CACNA2D1: variants seen among roughly 807,000 people sequenced by gnomAD.
CACNA2D1 encodes calcium voltage-gated channel auxiliary subunit alpha2delta 1.
A neutral mutation model predicts 171.5 loss-of-function variants in CACNA2D1; 53 were observed. The observed-to-expected ratio is 0.31, with a 90% CI of 0.25 to 0.39. The LOEUF is 0.39. Ranked by LOEUF, CACNA2D1 falls within the 10% of genes least tolerant of loss-of-function variation. CACNA2D1 has a pLI of 1.00. For synonymous variants in CACNA2D1, 442 were observed against 443.1 expected (o/e 1.00, Z 0.03); for missense variants, 903 against 1,299.8 (o/e 0.69, Z 4.69).
At chr7:82,174,145 A>T (rs1796324303) in intron 3 of CACNA2D1, among the ~76,000 whole-genome samples, 1 of 141,376 alleles carries the variant, frequency 7.1e-6, no homozygotes, top group African/African-American at 2.7e-5. Context: ...ATATAAGTAT[A>T]TCCTGTAACA....
chr7:82,198,005 T>C (rs1170530423), intron 3 of CACNA2D1, among the ~76,000 whole-genome samples: 2 of 152,094 alleles, frequency 1.3e-5, no homozygotes, highest in Non-Finnish European at 2.9e-5. Flanking sequence ...GGATCTTTCC[T>C]GAATTCCAGG....
intron 7 of CACNA2D1, among the ~76,000 whole-genome samples, chr7:82,068,688 GC>G (rs1274332854): frequency 6.8e-6 from 1 of 147,622 alleles, no homozygotes; most frequent in Non-Finnish European, 1.5e-5. Context: ...AGTTACCACT[GC>G]CAATATGACA....
At chr7:82,118,310 G>A (rs1443821614) in intron 5 of CACNA2D1, among the ~76,000 whole-genome samples, 3 of 152,064 alleles carry the variant, frequency 2.0e-5, no homozygotes, top group Non-Finnish European at 4.4e-5. Context: ...TGATATTTGT[G>A]TTAAACTTTT....
intron 12 of CACNA2D1, among the ~76,000 whole-genome samples, chr7:82,025,365 C>T (rs372470528): frequency 6.6e-6 from 1 of 151,482 alleles, no homozygotes; most frequent in East Asian, 1.9e-4. Context: ...GTTAAGTTCG[C>T]CTCCTTTGTT....
intron 21 of CACNA2D1, among the ~76,000 whole-genome samples, chr7:81,985,452 C>T (rs563599143): frequency 1.3e-5 from 2 of 152,210 alleles, no homozygotes; most frequent in Admixed American, 1.3e-4. Flanking sequence ...GCTGGTGTTA[C>T]AGGCATGAGC....
At chr7:82,407,323 C>G (rs1827165524) in intron 1 of CACNA2D1, among the ~76,000 whole-genome samples, 1 of 152,172 alleles carries the variant, frequency 6.6e-6, no homozygotes, top group Non-Finnish European at 1.5e-5. Flanking sequence ...CTTCTCATAT[C>G]ACTAAATAAG....
rs1413144878 is a variant in CACNA2D1 at position 82,332,565 on chromosome 7, A to AGAACGAAC, written c.294+2562_294+2569dup. ...AAGAAAGAAAGAAAGAAAGAAAGAAAGAACGAACAGAAAATTTTTGAGGGT... is the reference window on the plus strand; with the variant it reads ...AAGAAAGAAAGAAAGAAAGAAAGAAAGAACGAACGAACGAACAGAAAATTTTTGAGGGT... On this transcript the variant is annotated intron_variant, in intron 3 of 38. Transcript: ENST00000356860. 7.0e-3 allele frequency among the ~76,000 whole-genome samples: 769 copies of AGAACGAAC among 109,256 alleles called. 14 individuals are homozygous for AGAACGAAC. The highest frequency in any genetic ancestry group is 0.028 in the Middle Eastern group (5 of 178). The allele number at this position is 109,256 out of a possible 152,430, so 71.7% of individuals were successfully genotyped here.
chr7:81,971,828 G>A lies in CACNA2D1; in HGVS notation c.2090C>T (p.Ala697Val), dbSNP rs2130456001. 1.2e-6 allele frequency: 2 copies of A among 1,608,050 alleles called. No individual in the cohort carries two copies. Among genetic ancestry groups the A allele is most frequent in the East Asian group, 2.2e-5 (1 of 44,664 alleles). ...TTGGACAAGTTCATTTGTAAAGCCTGCATCAAGCAAGACTCTATTAATCAA... is the reference window on the plus strand; with the variant it reads ...TTGGACAAGTTCATTTGTAAAGCCTACATCAAGCAAGACTCTATTAATCAA... ...ADLINRVLLD[A>V]GFTNELVQNY... Residue 697 changes from alanine (A) to valine (V), a missense_variant, in exon 26 of 39, where the codon GCA becomes GTA. This residue lies in a region of CACNA2D1 where 623 missense variants were observed against 925.5 expected (regional missense o/e 0.67). Transcript: ENST00000356860.
intron 3 of CACNA2D1, among the ~76,000 whole-genome samples, chr7:82,225,478 GCAGA>G (rs1802261344): frequency 6.6e-6 from 1 of 152,110 alleles, no homozygotes. Context: ...AAAATTTTGT[GCAGA>G]CATTTAATAT....
intron 3 of CACNA2D1, among the ~76,000 whole-genome samples, chr7:82,185,531 AGGG>A (rs1797634907): frequency 5.6e-5 from 1 of 17,954 alleles, no homozygotes; most frequent in Non-Finnish European, 9.6e-5. Context: ...GAGGAGGAGG[AGGG>A]GGAGGAAGGG....
intron 4 of CACNA2D1, among the ~76,000 whole-genome samples, chr7:82,151,786 T>C (rs1487039661): frequency 1.3e-5 from 2 of 152,100 alleles, no homozygotes; most frequent in South Asian, 2.1e-4. Flanking sequence ...TTAACTTCTT[T>C]CTAGCACGTA....
intron 1 of CACNA2D1, among the ~76,000 whole-genome samples, chr7:82,386,908 T>C: frequency 6.6e-6 from 1 of 152,040 alleles, no homozygotes; most frequent in Middle Eastern, 3.4e-3. Context: ...AAATATACTA[T>C]AATAATTTAG....
intron 1 of CACNA2D1, among the ~76,000 whole-genome samples, chr7:82,395,809 T>C (rs1825696792): frequency 6.6e-6 from 1 of 152,252 alleles, no homozygotes; most frequent in South Asian, 2.1e-4. Context: ...TTTTCTAGCA[T>C]AAAGAACACA....
chr7:82,257,077 G>C (rs1407017612), intron 3 of CACNA2D1, among the ~76,000 whole-genome samples: 3 of 152,104 alleles, frequency 2.0e-5, no homozygotes, highest in Non-Finnish European at 4.4e-5. Context: ...GTACTATCCA[G>C]GTTTTGCTAC....
At chr7:82,039,240 C>T (rs1803662793) in intron 10 of CACNA2D1, among the ~76,000 whole-genome samples, 1 of 147,008 alleles carries the variant, frequency 6.8e-6, no homozygotes, top group Admixed American at 6.9e-5. Context: ...ATTACATATT[C>T]TTGCAAATAT....
At chr7:82,030,745 A>G (rs1802588403) in intron 12 of CACNA2D1, among the ~76,000 whole-genome samples, 2 of 151,920 alleles carry the variant, frequency 1.3e-5, no homozygotes, top group Admixed American at 6.6e-5. Flanking sequence ...ATCACAAAAT[A>G]GTATACTTAA....
chr7:82,053,635 T>C (rs75231591), intron 10 of CACNA2D1, among the ~76,000 whole-genome samples: 2,754 of 152,204 alleles, frequency 0.018, 90 homozygotes, highest in African/African-American at 0.061. Flanking sequence ...AAACCAGTAA[T>C]ACGTATCTCC....
chr7:82,398,637 G>A (rs1229654579), intron 1 of CACNA2D1, among the ~76,000 whole-genome samples: 1 of 151,092 alleles, frequency 6.6e-6, no homozygotes, highest in Non-Finnish European at 1.5e-5. Context: ...AAGTGCAATG[G>A]CATAATCATA....
At chr7:82,037,957 G>T in intron 11 of CACNA2D1, 120 bp downstream of exon 11, 1 of 994,212 alleles carries the variant, frequency 1.0e-6, no homozygotes, top group Non-Finnish European at 1.6e-6. Flanking sequence ...ACACATCTGT[G>T]TTTTAAATAA....
Sources: allele counts gnomAD v4.1 joint callset (sites outside exome capture counted in the v4.1 genomes callset), GRCh38; gene constraint gnomAD v4.1.1; regional missense constraint gnomAD v4.1.1; transcripts MANE v1.5; gene names NCBI Gene and HGNC (gene_info 2026-07-23, HGNC 2026-07-21).